The following ZNF654 variants were observed in gnomAD, a reference collection of about 807,000 sequenced individuals.
ZNF654 encodes the protein zinc finger protein 654.
ZNF654 carries 19 observed loss-of-function variants against 95.3 expected under a neutral mutation model. The observed-to-expected ratio is 0.20, with a 90% CI of 0.14 to 0.29. ZNF654 has a LOEUF of 0.29. Among genes scored for constraint, ZNF654 ranks in the 10% least tolerant of loss-of-function variants. The pLI is 1.00. For missense variants in ZNF654, 1,046 were observed against 1,341.0 expected (o/e 0.78, Z 3.44); for synonymous variants, 413 against 457.9 (o/e 0.90, Z 1.25).
intron 2 of ZNF654, chr3:88,095,936 T>C (rs1205191694): frequency 2.2e-5 from 8 of 365,650 alleles, no homozygotes; most frequent in African/African-American, 1.8e-4. Context: ...CATTCTCTGA[T>C]GAAATGTTAG....
chr3:88,118,592 T>C (rs990225776), intron 3 of ZNF654, among the ~76,000 whole-genome samples: 20 of 152,192 alleles, frequency 1.3e-4, no homozygotes, highest in Admixed American at 1.2e-3. Context: ...GGCCCTTCTC[T>C]AGAGTACTTG....
chr3:88,077,186 G>A (rs9310069), intron 1 of ZNF654, among the ~76,000 whole-genome samples: 142,537 of 152,220 alleles, frequency 0.94, 67,333 homozygotes, highest in Non-Finnish European at 1. Context: ...ATCAGAATAG[G>A]GGAGGAGGAT....
intron 6 of ZNF654, among the ~76,000 whole-genome samples, chr3:88,132,114 T>C (rs1480352677): frequency 6.6e-6 from 1 of 152,162 alleles, no homozygotes; most frequent in African/African-American, 2.4e-5. Flanking sequence ...TAATACTGTG[T>C]TCAAGCCATT....
At chr3:88,090,962 A>G (rs1576250801) in intron 2 of ZNF654, among the ~76,000 whole-genome samples, 1 of 152,332 alleles carries the variant, frequency 6.6e-6, no homozygotes, top group South Asian at 2.1e-4. Context: ...GCAGGCTGCG[A>G]GTTGGACAAG....
rs1433221792 is a variant in ZNF654 at position 88,139,287 on chromosome 3, C to T, written c.1618C>T (p.His540Tyr). Residue 540 changes from histidine (H) to tyrosine (Y), a missense_variant, in exon 8 of 9, where the codon CAC (histidine) becomes TAC (tyrosine). By Grantham distance (83) the His-to-Tyr change is moderately conservative (BLOSUM62 2). Coordinates refer to ENST00000636215, the MANE Select transcript of ZNF654 (RefSeq NM_001350134.2). ...AGCTCTCAGTACTTCCAAAGTAGAT[C>T]ACAATGTCCCAAGGCATCGTTGTAT... The part of the protein sequence containing the change: ...LTALSTSKVD[H>Y]NVPRHRCMLC... The T allele has an allele frequency of 6.4e-7, 1 of 1,563,588 alleles. No individual in the cohort carries two copies. Among genetic ancestry groups the T allele is most frequent in the Non-Finnish European group, 8.6e-7 (1 of 1,160,652 alleles).
At chr3:88,133,910 G>A (rs1257677453) in intron 6 of ZNF654, among the ~76,000 whole-genome samples, 1 of 152,098 alleles carries the variant, frequency 6.6e-6, no homozygotes, top group Non-Finnish European at 1.5e-5. Context: ...CAGAATAGAG[G>A]AATGTTTAGT....
In ZNF654 at chr3:88,139,605, T is replaced by C. The variant is rs769320947; in HGVS notation, c.1936T>C (p.Ser646Pro). The C allele has an allele frequency of 1.2e-6, 2 of 1,613,770 alleles. No individual in the cohort carries two copies. The highest frequency in any genetic ancestry group is 1.7e-6 in the Non-Finnish European group (2 of 1,179,774). Residue 646 changes from serine (S) to proline (P), a missense_variant, in exon 8 of 9, where the codon TCT becomes CCT. By Grantham distance (74) the Ser-to-Pro change is moderately conservative (BLOSUM62 -1). Coordinates refer to ENST00000636215, the MANE Select transcript of ZNF654 (RefSeq NM_001350134.2). ...KDLEVETLTA[S>P]SEGNKEVIPE... ...TTTGGAAGTGGAGACACTTACTGCTTCTAGTGAAGGAAACAAAGAAGTCAT... is the reference window on the plus strand; with the variant it reads ...TTTGGAAGTGGAGACACTTACTGCTCCTAGTGAAGGAAACAAAGAAGTCAT...
rs200668595 is a variant in ZNF654 at position 88,099,190 on chromosome 3, AACAG to A, written c.332+12794_332+12797del. 1.0e-3 allele frequency among the ~76,000 whole-genome samples: 152 copies of A among 152,254 alleles called. 3 individuals carry two copies. Among genetic ancestry groups the A allele is most frequent in the East Asian group, 5.0e-3 (26 of 5,192 alleles). On this transcript the variant is annotated intron_variant, in intron 2 of 8. Coordinates refer to ENST00000636215, the MANE Select transcript of ZNF654 (RefSeq NM_001350134.2). ...ATCACAAGCATTCCTCTACACCAAT[AACAG>A]ACAGAGAGCCAAATCATGAGTGAAC...
intron 1 of ZNF654, among the ~76,000 whole-genome samples, chr3:88,083,188 G>C (rs774074346): frequency 1.5e-4 from 23 of 152,130 alleles, no homozygotes; most frequent in Non-Finnish European, 2.6e-4. Context: ...CCCATCGGGG[G>C]GTTAGGGCTT....
chr3:88,116,603 G>C (rs1234370383), intron 3 of ZNF654, among the ~76,000 whole-genome samples: 2 of 148,822 alleles, frequency 1.3e-5, no homozygotes, highest in Non-Finnish European at 3.0e-5. Flanking sequence ...ATATATGTGT[G>C]TATATATGTT....
intron 1 of ZNF654, among the ~76,000 whole-genome samples, chr3:88,069,248 C>T (rs550278234): frequency 2.0e-5 from 3 of 152,050 alleles, no homozygotes; most frequent in East Asian, 3.9e-4. Context: ...ATGGTGAAAC[C>T]CCATCTCTAC....
At chr3:88,100,573 A>G (rs949991110) in intron 2 of ZNF654, among the ~76,000 whole-genome samples, 20 of 152,220 alleles carry the variant, frequency 1.3e-4, no homozygotes, top group African/African-American at 3.1e-4. Context: ...ATGTCCATCA[A>G]TGATAGACTG....
At chr3:88,118,368 G>T (rs533601520) in intron 3 of ZNF654, among the ~76,000 whole-genome samples, 2 of 152,186 alleles carry the variant, frequency 1.3e-5, no homozygotes, top group African/African-American at 4.8e-5. Flanking sequence ...TATACCATAG[G>T]AGAAGTGGAA....
chr3:88,103,631 G>A (rs1183941328), intron 2 of ZNF654, among the ~76,000 whole-genome samples: 4 of 151,944 alleles, frequency 2.6e-5, no homozygotes, highest in African/African-American at 9.7e-5. Context: ...GTAGGTGAAA[G>A]TAACAAGAGA....
At chr3:88,101,981 C>T (rs1390428243) in intron 2 of ZNF654, among the ~76,000 whole-genome samples, 2 of 151,686 alleles carry the variant, frequency 1.3e-5, no homozygotes, top group Non-Finnish European at 2.9e-5. Context: ...ATTTTTTTGC[C>T]CATTTTTAAA....
At chr3:88,064,101 A>G (rs944405642) in intron 1 of ZNF654, among the ~76,000 whole-genome samples, 9 of 114,754 alleles carry the variant, frequency 7.8e-5, no homozygotes, top group African/African-American at 1.2e-4. Flanking sequence ...TTGAATAACG[A>G]GCTTCTTCTT....
At chr3:88,065,854 A>AC in intron 1 of ZNF654, among the ~76,000 whole-genome samples, 1 of 152,014 alleles carries the variant, frequency 6.6e-6, no homozygotes, top group Middle Eastern at 3.4e-3. Flanking sequence ...ATCAGCCCCC[A>AC]CCCCCAGTAG....
intron 1 of ZNF654, among the ~76,000 whole-genome samples, chr3:88,061,191 T>A (rs1013511464): frequency 1.3e-5 from 2 of 152,132 alleles, no homozygotes; most frequent in Non-Finnish European, 2.9e-5. Context: ...AGGATACAAT[T>A]TATATTTTTA....
chr3:88,124,400 C>G (rs890513825), intron 3 of ZNF654, among the ~76,000 whole-genome samples: 2 of 152,186 alleles, frequency 1.3e-5, no homozygotes, highest in African/African-American at 4.8e-5. Context: ...TAATGTTTGA[C>G]TATAAGTGAT....
Sources: allele counts gnomAD v4.1 joint callset (sites outside exome capture counted in the v4.1 genomes callset), GRCh38; gene constraint gnomAD v4.1.1; transcripts MANE v1.5; gene names NCBI Gene and HGNC (gene_info 2026-07-23, HGNC 2026-07-21).